The following EYA1 variants were observed in gnomAD, a reference collection of about 807,000 sequenced individuals.
EYA1 encodes protein phosphatase EYA1.
In EYA1, 16 loss-of-function variants were observed where a neutral mutation model predicts 82.0. The observed-to-expected ratio is 0.20, with a 90% CI of 0.13 to 0.30. The LOEUF is 0.30. Among genes scored for constraint, EYA1 ranks in the 10% least tolerant of loss-of-function variants. EYA1 has a pLI of 1.00. For missense variants in EYA1, 633 were observed against 730.7 expected, an observed-to-expected ratio of 0.87 and a Z score of 1.54; for synonymous variants, 261 against 264.4, an observed-to-expected ratio of 0.99 and a Z score of 0.12.
chr8:71,199,554 A>T, intron 17 of EYA1, 134 bp from the exon 18 acceptor site: 1 of 685,782 alleles, frequency 1.5e-6, no homozygotes, highest in Admixed American at 2.0e-5. Flanking sequence ...TTAACATCAC[A>T]TCTGTTTAAA....
At chr8:71,279,740 G>C (rs1817602299) in intron 9 of EYA1, among the ~76,000 whole-genome samples, 1 of 152,172 alleles carries the variant, frequency 6.6e-6, no homozygotes, top group South Asian at 2.1e-4. Flanking sequence ...GAAAGTCAAA[G>C]GCACTGAAAC....
intron 11 of EYA1, among the ~76,000 whole-genome samples, chr8:71,267,537 A>ATTT (rs1815987949): frequency 1.3e-5 from 2 of 152,298 alleles, no homozygotes; most frequent in South Asian, 4.1e-4. Flanking sequence ...GCTTTTGGAA[A>ATTT]TTATATGAGA....
At chr8:71,538,116 A>T (rs924321209) in intron 1 of EYA1, among the ~76,000 whole-genome samples, 2 of 152,188 alleles carry the variant, frequency 1.3e-5, no homozygotes, top group Non-Finnish European at 2.9e-5. Context: ...GTCAATCCAA[A>T]CCATGAAATA....
chr8:71,346,440 A>ATATATC (rs1554561543), intron 3 of EYA1, among the ~76,000 whole-genome samples: 17 of 141,186 alleles, frequency 1.2e-4, no homozygotes, highest in Non-Finnish European at 1.8e-4. Context: ...GAATATATAT[A>ATATATC]TATATATATA....
chr8:71,410,679 G>A (rs1326429894), intron 2 of EYA1, among the ~76,000 whole-genome samples: 4 of 140,878 alleles, frequency 2.8e-5, no homozygotes, highest in African/African-American at 1.0e-4. Context: ...CAAGGGATGT[G>A]AAGGACCTCT....
intron 9 of EYA1, among the ~76,000 whole-genome samples, chr8:71,283,304 T>C (rs1000155026): frequency 6.6e-6 from 1 of 152,190 alleles, no homozygotes. Flanking sequence ...TGCTCAAGTG[T>C]CACCCGATGG....
At chr8:71,507,889 A>G (rs996334627) in intron 2 of EYA1, among the ~76,000 whole-genome samples, 2 of 152,242 alleles carry the variant, frequency 1.3e-5, no homozygotes, top group Non-Finnish European at 2.9e-5. Context: ...TCCTTGGCCT[A>G]ACCTCAAAAC....
intron 2 of EYA1, among the ~76,000 whole-genome samples, chr8:71,388,240 A>G (rs927817732): frequency 1.1e-4 from 17 of 152,202 alleles, no homozygotes; most frequent in African/African-American, 4.1e-4. Flanking sequence ...CTTATAGCGA[A>G]GTGGTCAAAT....
chr8:71,540,445 A>G (rs1445215717), intron 1 of EYA1, among the ~76,000 whole-genome samples: 1 of 152,144 alleles, frequency 6.6e-6, no homozygotes, highest in Non-Finnish European at 1.5e-5. Flanking sequence ...TTTTAGAACA[A>G]AAGATTGGGA....
chr8:71,274,964 A>G (rs1386496138), intron 9 of EYA1, among the ~76,000 whole-genome samples: 1 of 151,804 alleles, frequency 6.6e-6, no homozygotes, highest in Non-Finnish European at 1.5e-5. Flanking sequence ...GAACAAGCGC[A>G]AGCGCGTGCG....
At chr8:71,469,040 T>C (rs1307896220) in intron 2 of EYA1, among the ~76,000 whole-genome samples, 1 of 152,118 alleles carries the variant, frequency 6.6e-6, no homozygotes, top group Non-Finnish European at 1.5e-5. Context: ...TTGTGACAAT[T>C]ATGAGCTTGG....
At chr8:71,287,940 C>G (rs1000540945) in intron 9 of EYA1, among the ~76,000 whole-genome samples, 1 of 152,216 alleles carries the variant, frequency 6.6e-6, no homozygotes, top group Non-Finnish European at 1.5e-5. Context: ...TGGTATTATG[C>G]TCATTCCACA....
intron 7 of EYA1, among the ~76,000 whole-genome samples, chr8:71,307,094 T>C (rs181982677): frequency 5.9e-5 from 9 of 152,248 alleles, no homozygotes; most frequent in Admixed American, 3.9e-4. Flanking sequence ...GACCTTTCCA[T>C]AGATTTTTGT....
intron 11 of EYA1, among the ~76,000 whole-genome samples, chr8:71,255,849 G>A (rs1814346119): frequency 6.6e-6 from 1 of 151,790 alleles, no homozygotes. Flanking sequence ...TCCAGAATAT[G>A]TAAAGACCTC....
intron 2 of EYA1, among the ~76,000 whole-genome samples, chr8:71,460,156 C>T (rs922829791): frequency 3.9e-5 from 6 of 152,144 alleles, no homozygotes; most frequent in African/African-American, 1.4e-4. Context: ...ATGAAGAGAT[C>T]TATGTAAACA....
chr8:71,201,467 G>A (rs1224673282), intron 17 of EYA1, among the ~76,000 whole-genome samples: 1 of 152,022 alleles, frequency 6.6e-6, no homozygotes, highest in Admixed American at 6.5e-5. Flanking sequence ...TTCTCTGTGG[G>A]CTAAGAGACA....
chr8:71,298,681 T>G (rs1819852009), intron 9 of EYA1, among the ~76,000 whole-genome samples: 1 of 152,178 alleles, frequency 6.6e-6, no homozygotes, highest in South Asian at 2.1e-4. Context: ...TATTGAATAA[T>G]GATAAATGCC....
chr8:71,238,598 A>C (rs575950983), intron 12 of EYA1, among the ~76,000 whole-genome samples: 5 of 152,156 alleles, frequency 3.3e-5, no homozygotes, highest in African/African-American at 1.2e-4. Context: ...TTTGTGTTTT[A>C]GTAACTACCG....
intron 2 of EYA1, among the ~76,000 whole-genome samples, chr8:71,389,611 A>C (rs1276840856): frequency 6.6e-6 from 1 of 152,216 alleles, no homozygotes; most frequent in Non-Finnish European, 1.5e-5. Context: ...CATCATGGAA[A>C]AAAATCTTTC....
Sources: allele counts gnomAD v4.1 joint callset (sites outside exome capture counted in the v4.1 genomes callset), GRCh38; gene constraint gnomAD v4.1.1; transcripts MANE v1.5; gene names NCBI Gene and HGNC (gene_info 2026-07-23, HGNC 2026-07-21).